TMED3: variants seen among roughly 807,000 people sequenced by gnomAD.
TMED3 encodes the protein transmembrane p24 trafficking protein 3.
A neutral mutation model predicts 15.0 loss-of-function variants in TMED3; 9 were observed. That is an observed-to-expected ratio of 0.60 (90% CI 0.36 to 1.04). The LOEUF (loss-of-function observed/expected upper bound fraction) is 1.04. Ranked by LOEUF, TMED3 falls within the 50% of genes least tolerant of loss-of-function variation. The pLI is 0.01. For synonymous variants in TMED3, 117 were observed against 121.4 expected, an observed-to-expected ratio of 0.96 and a Z score of 0.24; for missense variants, 267 against 278.9, an observed-to-expected ratio of 0.96 and a Z score of 0.30.
intron 2 of TMED3, among the ~76,000 whole-genome samples, chr15:79,372,901 C>T (rs1181694797): frequency 2.6e-5 from 4 of 152,156 alleles, no homozygotes; most frequent in Non-Finnish European, 5.9e-5. Context: ...CCTGTCTTTT[C>T]AAGTCAAATT....
chr15:79,315,054 C>T (rs566313273), intron 2 of TMED3, among the ~76,000 whole-genome samples: 38 of 152,268 alleles, frequency 2.5e-4, no homozygotes, highest in African/African-American at 8.7e-4. Flanking sequence ...GAACCAAAGC[C>T]ACAGCGTCTT....
At chr15:79,385,536 C>T (rs1893614575) in intron 2 of TMED3, among the ~76,000 whole-genome samples, 1 of 152,072 alleles carries the variant, frequency 6.6e-6, no homozygotes, top group African/African-American at 2.4e-5. Flanking sequence ...TCCCACCCTG[C>T]TGGAAGGAGC....
At chr15:79,319,465 A>C (rs2058754823) in intron 2 of TMED3, among the ~76,000 whole-genome samples, 1 of 152,342 alleles carries the variant, frequency 6.6e-6, no homozygotes, top group South Asian at 2.1e-4. Context: ...GTCTTCTGGA[A>C]GTGGTTTAAT....
exon 3 of TMED3, chr15:79,411,665 C>T (rs1893982552): frequency 6.8e-6 from 4 of 586,368 alleles, no homozygotes; most frequent in Non-Finnish European, 1.2e-5. Flanking sequence ...CAAGGAACAA[C>T]CTGCTCTCAC....
chr15:79,411,452 A>C (rs1425213535), exon 3 of TMED3: 3 of 702,462 alleles, frequency 4.3e-6, no homozygotes, highest in African/African-American at 3.5e-5. Context: ...GACTATATGC[A>C]GCCAGGCGGA....
At chr15:79,357,524 C>CT (rs76929710) in intron 2 of TMED3, among the ~76,000 whole-genome samples, 4,842 of 130,466 alleles carry the variant, frequency 0.037, 133 homozygotes, top group East Asian at 0.11. Flanking sequence ...AGAATTTAAA[C>CT]TTTTTTTTTT....
intron 2 of TMED3, among the ~76,000 whole-genome samples, chr15:79,391,033 G>A (rs905257894): frequency 6.6e-6 from 1 of 151,634 alleles, no homozygotes; most frequent in East Asian, 1.9e-4. Flanking sequence ...CAAAGAACCA[G>A]CTTTTTGTTT....
intron 2 of TMED3, among the ~76,000 whole-genome samples, chr15:79,355,340 G>T (rs1016570099): frequency 1.3e-5 from 2 of 152,158 alleles, no homozygotes; most frequent in Non-Finnish European, 2.9e-5. Flanking sequence ...GGTGGTGGGA[G>T]TGCCCAGCAC....
intron 2 of TMED3, among the ~76,000 whole-genome samples, chr15:79,314,220 A>G (rs2058730927): frequency 2.0e-5 from 3 of 152,152 alleles, no homozygotes; most frequent in Admixed American, 2.0e-4. Context: ...TCCCTGCAGT[A>G]CTTTCCTCTG....
rs868343566 is a variant in TMED3, at chr15:79,313,812, A to T, written c.224A>T (p.Asn75Ile). ...VDCYVEDPQGNTIYRETKKQY... is the reference protein window; with the variant it reads ...VDCYVEDPQGITIYRETKKQY... Reference sequence around the variant, plus strand: ...TGCTATGTAGAGGACCCCCAGGGGAACACCATCTACAGAGAAACGAAGAAG... The same window carrying T: ...TGCTATGTAGAGGACCCCCAGGGGATCACCATCTACAGAGAAACGAAGAAG... Residue 75 changes from asparagine to isoleucine, a missense_variant, in exon 2 of 3, where the codon AAC (asparagine) becomes ATC (isoleucine). By Grantham distance (149) the Asn-to-Ile change is moderately radical (BLOSUM62 -3). Around this residue, in one of 3 missense-constraint regions of TMED3, gnomAD observed 69 missense variants for 106.8 expected, o/e 0.65. Transcript: ENST00000299705. 3.1e-6 allele frequency: 5 copies of T among 1,614,234 alleles called. No homozygotes were observed. Among genetic ancestry groups the T allele is most frequent in the East Asian group, 2.2e-5 (1 of 44,892 alleles).
chr15:79,353,862 A>C (rs947327312), intron 2 of TMED3, among the ~76,000 whole-genome samples: 1 of 152,168 alleles, frequency 6.6e-6, no homozygotes, highest in Admixed American at 6.5e-5. Flanking sequence ...ACACTTTGTC[A>C]TATGCTTCTT....
At chr15:79,324,193 G>A (rs529571229), downstream of TMED3, among the ~76,000 whole-genome samples, 2 of 152,030 alleles carry the variant, frequency 1.3e-5, no homozygotes, top group Admixed American at 6.5e-5. Flanking sequence ...GGGTTTCACC[G>A]TGTTAGCCAG....
chr15:79,383,417 A>C, intron 2 of TMED3: 1 of 191,736 alleles, frequency 5.2e-6, no homozygotes, highest in East Asian at 1.3e-4. Context: ...AAGTCACAGA[A>C]CTCAGCAAGC....
At chr15:79,410,678 A>G (rs1021553105) in intron 2 of TMED3, among the ~76,000 whole-genome samples, 1 of 143,906 alleles carries the variant, frequency 6.9e-6, no homozygotes, top group Admixed American at 7.0e-5. Context: ...TGAAATATAT[A>G]TATGTGTATA....
At chr15:79,330,983 C>A (rs904685825) in intron 2 of TMED3, among the ~76,000 whole-genome samples, 1 of 152,200 alleles carries the variant, frequency 6.6e-6, no homozygotes, top group African/African-American at 2.4e-5. Context: ...GTTCTGCAGG[C>A]TGTACAGGAA....
chr15:79,326,491 A>G (rs1328939107), downstream of TMED3, among the ~76,000 whole-genome samples: 1 of 152,140 alleles, frequency 6.6e-6, no homozygotes, highest in African/African-American at 2.4e-5. Flanking sequence ...TGGCCTCTTT[A>G]TGTCTGGGAT....
At chr15:79,317,113 T>A (rs1469279379) in intron 2 of TMED3, among the ~76,000 whole-genome samples, 1 of 152,086 alleles carries the variant, frequency 6.6e-6, no homozygotes, top group South Asian at 2.1e-4. Context: ...AGCTGTAGAG[T>A]ATCACCTGTT....
chr15:79,379,735 A>C (rs952554360), intron 2 of TMED3, among the ~76,000 whole-genome samples: 1 of 152,218 alleles, frequency 6.6e-6, no homozygotes, highest in Non-Finnish European at 1.5e-5. Context: ...ATCACATTAG[A>C]TATACTGATC....
chr15:79,318,757 A>G (rs779618789), intron 2 of TMED3, among the ~76,000 whole-genome samples: 1 of 152,148 alleles, frequency 6.6e-6, no homozygotes, highest in Non-Finnish European at 1.5e-5. Flanking sequence ...GAGCTTTGGA[A>G]GCATTCCCCG....
Sources: gnomAD v4.1 joint callset for allele counts (sites outside exome capture counted in the v4.1 genomes callset) on GRCh38, gnomAD v4.1.1 for gene constraint, gnomAD v4.1.1 regional missense constraint, MANE v1.5 for transcripts, NCBI Gene and HGNC (gene_info 2026-07-23, HGNC 2026-07-21) for gene names.